ROBO2: variants seen among roughly 807,000 people sequenced by gnomAD.
ROBO2 encodes roundabout guidance receptor 2.
A neutral mutation model predicts 160.8 loss-of-function variants in ROBO2; 53 were observed. The ratio of observed to expected loss-of-function variants is 0.33; its 90% CI spans 0.26 to 0.41. The LOEUF is 0.41. Ranked by LOEUF, ROBO2 falls within the 10% of genes least tolerant of loss-of-function variation. The pLI is 1.00. For missense variants in ROBO2, 1,577 were observed against 1,722.4 expected (o/e 0.92, Z 1.49); for synonymous variants, 664 against 611.7 (o/e 1.09, Z -1.26).
intron 2 of ROBO2, among the ~76,000 whole-genome samples, chr3:76,443,463 C>T (rs547596549): frequency 5.3e-5 from 8 of 152,230 alleles, no homozygotes; most frequent in African/African-American, 1.7e-4. Context: ...GCTGCTGCTA[C>T]TAGTAATACT....
At chr3:76,830,733 T>C (rs1443829136) in intron 2 of ROBO2, among the ~76,000 whole-genome samples, 2 of 150,228 alleles carry the variant, frequency 1.3e-5, no homozygotes, top group African/African-American at 2.4e-5. Context: ...TCCCAGCATC[T>C]CGGGAGGCTG....
chr3:76,064,315 T>C (rs1293468832), intron 2 of ROBO2, among the ~76,000 whole-genome samples: 1 of 152,184 alleles, frequency 6.6e-6, no homozygotes, highest in Non-Finnish European at 1.5e-5. Context: ...GTTACACAGC[T>C]GATGAGGGGC....
At chr3:77,203,290 A>C (rs946997734) in intron 2 of ROBO2, among the ~76,000 whole-genome samples, 1 of 152,236 alleles carries the variant, frequency 6.6e-6, no homozygotes, top group Non-Finnish European at 1.5e-5. Context: ...AACAAAATTA[A>C]GTAATCTTTG....
chr3:76,480,552 A>G (rs925509860), intron 2 of ROBO2, among the ~76,000 whole-genome samples: 3 of 152,142 alleles, frequency 2.0e-5, no homozygotes, highest in African/African-American at 7.2e-5. Context: ...TTACAGATCT[A>G]GAGGCTGAGA....
intron 13 of ROBO2, among the ~76,000 whole-genome samples, chr3:77,569,796 T>A (rs561874335): frequency 1.3e-5 from 2 of 152,048 alleles, no homozygotes; most frequent in East Asian, 3.9e-4. Flanking sequence ...ACATAATCAG[T>A]CAAATTATTG....
chr3:76,899,598 G>C (rs6776284), intron 2 of ROBO2, among the ~76,000 whole-genome samples: 54,412 of 151,892 alleles, frequency 0.36, 10,194 homozygotes, highest in Non-Finnish European at 0.41. Flanking sequence ...ATATGGACTT[G>C]TCGTCTATTT....
chr3:77,020,333 A>C (rs765431001), intron 2 of ROBO2, among the ~76,000 whole-genome samples: 11 of 152,232 alleles, frequency 7.2e-5, no homozygotes, highest in Non-Finnish European at 1.3e-4. Context: ...GCATTGGAAA[A>C]TAGAAGTCCT....
intron 2 of ROBO2, among the ~76,000 whole-genome samples, chr3:76,055,724 T>A (rs7625148): frequency 0.62 from 94,513 of 152,114 alleles, 30,685 homozygotes; most frequent in African/African-American, 0.82. Context: ...ACTTTTTTTT[T>A]ATCTAATCAA....
chr3:76,907,886 C>A (rs1417817368), intron 2 of ROBO2, among the ~76,000 whole-genome samples: 1 of 150,830 alleles, frequency 6.6e-6, no homozygotes, highest in African/African-American at 2.5e-5. Context: ...GTCGCCCAGG[C>A]TGCAGTGCAC....
chr3:77,020,006 C>T lies in ROBO2; in HGVS notation c.110-78008C>T, dbSNP rs141747171. 2.5e-3 allele frequency among the ~76,000 whole-genome samples: 385 copies of T among 152,258 alleles called. 3 individuals carry two copies. In the South Asian group the frequency reaches 0.027, roughly 11 times the overall value. On this transcript the variant is annotated intron_variant, in intron 2 of 26. Transcript: ENST00000487694. ...GGATCCTCATGAAGTTTAATTGAGA[C>T]ACTGTATATGATATGCTTAGCAGAG... is the stretch of plus-strand genomic sequence containing the variant.
intron 2 of ROBO2, among the ~76,000 whole-genome samples, chr3:76,152,888 G>T (rs780609442): frequency 4.6e-5 from 7 of 151,980 alleles, no homozygotes; most frequent in Non-Finnish European, 1.0e-4. Flanking sequence ...CTCCAAAATC[G>T]ATGTCAATTA....
At chr3:77,041,663 A>T (rs532679527) in intron 1 of ROBO2, among the ~76,000 whole-genome samples, 3 of 152,326 alleles carry the variant, frequency 2.0e-5, no homozygotes, top group Non-Finnish European at 4.4e-5. Context: ...GTTCTTTTGA[A>T]TGAAGAGTGG....
intron 2 of ROBO2, among the ~76,000 whole-genome samples, chr3:77,200,270 TATA>T (rs1560218292): frequency 2.4e-3 from 23 of 9,438 alleles, no homozygotes; most frequent in African/African-American, 5.9e-3. Flanking sequence ...ACATATTTTA[TATA>T]TATATATATA....
At chr3:76,841,245 G>A (rs1430771700) in intron 2 of ROBO2, among the ~76,000 whole-genome samples, 2 of 152,154 alleles carry the variant, frequency 1.3e-5, no homozygotes, top group African/African-American at 4.8e-5. Flanking sequence ...TAACATTATG[G>A]ACCTAAGGGT....
At chr3:76,777,819 C>T (rs1353080486) in intron 2 of ROBO2, among the ~76,000 whole-genome samples, 1 of 151,050 alleles carries the variant, frequency 6.6e-6, no homozygotes, top group African/African-American at 2.4e-5. Flanking sequence ...AGGTAATACT[C>T]AGTTAAATGC....
intron 2 of ROBO2, among the ~76,000 whole-genome samples, chr3:76,174,924 A>T (rs932737513): frequency 6.6e-6 from 1 of 152,102 alleles, no homozygotes; most frequent in Non-Finnish European, 1.5e-5. Flanking sequence ...CTTGATGGGA[A>T]TAGCATTGGA....
intron 1 of ROBO2, among the ~76,000 whole-genome samples, chr3:75,911,718 C>T (rs560221944): frequency 1.7e-4 from 26 of 151,652 alleles, no homozygotes; most frequent in Admixed American, 7.9e-4. Context: ...CCACCATGCC[C>T]GGCTAATTTT....
intron 2 of ROBO2, among the ~76,000 whole-genome samples, chr3:76,761,499 A>G (rs1332926740): frequency 1.3e-5 from 2 of 151,774 alleles, no homozygotes; most frequent in African/African-American, 4.8e-5. Context: ...ACCATATGGC[A>G]TATAACCATT....
chr3:77,280,197 G>A (rs543525024), intron 2 of ROBO2, among the ~76,000 whole-genome samples: 3 of 152,082 alleles, frequency 2.0e-5, no homozygotes, highest in African/African-American at 7.2e-5. Flanking sequence ...ATGCATGATC[G>A]CTAACCCATC....
Sources: allele counts gnomAD v4.1 joint callset (sites outside exome capture counted in the v4.1 genomes callset), GRCh38; gene constraint gnomAD v4.1.1; transcripts MANE v1.5; gene names NCBI Gene and HGNC (gene_info 2026-07-23, HGNC 2026-07-21).